Variants in MAPKAPK2 observed in about 807,000 individuals in gnomAD.
MAPKAPK2 encodes the protein MAPK activated protein kinase 2.
Under a neutral mutation model 48.8 loss-of-function variants are expected in MAPKAPK2, and 9 were observed. The ratio of observed to expected loss-of-function variants is 0.18; its 90% confidence interval spans 0.11 to 0.32. MAPKAPK2 has a LOEUF of 0.32. MAPKAPK2 is among the 10% of genes least tolerant of loss of function. The pLI is 1.00. For synonymous variants in MAPKAPK2, 202 were observed against 190.6 expected (o/e 1.06, Z -0.49); for missense variants, 331 against 498.3 (o/e 0.66, Z 3.20).
intron 1 of MAPKAPK2, among the ~76,000 whole-genome samples, chr1:206,713,328 AG>A (rs1341384053): frequency 6.6e-6 from 1 of 152,174 alleles, no homozygotes; most frequent in Non-Finnish European, 1.5e-5. Flanking sequence ...AGTCATGACA[AG>A]GCCTGGCTTG....
In MAPKAPK2 at chr1:206,691,502, T is replaced by TATATATATATATATATATATATAC. The variant is rs1553426248; in HGVS notation, c.279+5997_279+5998insTATATATATATATATATATACATA. Among the ~76,000 whole-genome samples the TATATATATATATATATATATATAC allele has an allele frequency of 2.5e-3, 325 of 132,628 alleles. 4 individuals carry two copies. The highest frequency in any genetic ancestry group is 6.9e-3 in the African/African-American group (237 of 34,320). The allele number at this position is 132,628 out of a possible 152,430, so 87.0% of individuals were successfully genotyped here. A position where few individuals can be genotyped will look rare whatever the true frequency, so the allele number is the denominator to read the frequency against. On this transcript the variant is annotated intron_variant, in intron 1 of 9. Coordinates refer to ENST00000367103, the MANE Select transcript of MAPKAPK2 (RefSeq NM_032960.4). ...TTTAAGATATATATATATATATATA[T>TATATATATATATATATATATATAC]ATACACACATACACAGATATAGATA...
intron 1 of MAPKAPK2, among the ~76,000 whole-genome samples, chr1:206,718,609 T>C (rs1197041219): frequency 1.3e-5 from 2 of 152,102 alleles, no homozygotes; most frequent in African/African-American, 4.8e-5. Context: ...TTATCTGCTT[T>C]CCCATTTAAT....
At chr1:206,721,873 G>A (rs1266658409) in intron 1 of MAPKAPK2, among the ~76,000 whole-genome samples, 1 of 152,074 alleles carries the variant, frequency 6.6e-6, no homozygotes, top group Non-Finnish European at 1.5e-5. Context: ...TGAGACCAGC[G>A]TGACCAACAT....
In MAPKAPK2 at chr1:206,732,337, T is replaced by TG; in HGVS notation, c.1060-232dup. The TG allele has an allele frequency of 6.9e-7, 1 of 1,443,508 alleles. No individual in the cohort carries two copies. The highest frequency in any genetic ancestry group is 9.1e-7 in the Non-Finnish European group (1 of 1,102,336). The allele number at this position is 1,443,508 out of a possible 1,614,324, so 89.4% of individuals were successfully genotyped here. A position where few individuals can be genotyped will look rare whatever the true frequency, so the allele number is the denominator to read the frequency against. On this transcript the variant is annotated intron_variant, in intron 9 of 9. Transcript: ENST00000367103. The surrounding 1 kb of genome is among the most constrained non-coding windows in gnomAD (Gnocchi z 4.4). ...TCTTCCTCCTATCCTGCGGGATCAC[T>TG]GGGGGGCTCTCAGGGAACAGCAGCA...
At chr1:206,728,599 A>T in intron 1 of MAPKAPK2, 111 bp from the exon 2 acceptor site, 1 of 1,176,068 alleles carries the variant, frequency 8.5e-7, no homozygotes, top group Non-Finnish European at 1.2e-6. Context: ...GGGGGCCAGC[A>T]GGAGTGGGGG....
At position 206,732,064 on chromosome 1, in the gene MAPKAPK2, C is replaced by T. The variant is rs782749126; in HGVS notation, c.1059+145C>T. 1 of 1,614,174 alleles carries T rather than the reference C, an allele frequency of 6.2e-7. No homozygotes were observed. The highest frequency in any genetic ancestry group is 8.5e-7 in the Non-Finnish European group (1 of 1,180,016). Reference sequence around the variant, plus strand: ...GGTGTCTTCATGACAAGAACAGCGACCAGGCCACTTGGCTGACCAGGTTGT... The same window carrying T: ...GGTGTCTTCATGACAAGAACAGCGATCAGGCCACTTGGCTGACCAGGTTGT... On this transcript the variant is annotated intron_variant, in intron 9 of 9. Transcript: ENST00000367103. The surrounding 1 kb of genome is among the most constrained non-coding windows in gnomAD (Gnocchi z 4.4).
intron 1 of MAPKAPK2, among the ~76,000 whole-genome samples, chr1:206,717,884 C>T (rs894782153): frequency 9.9e-5 from 15 of 151,830 alleles, no homozygotes; most frequent in East Asian, 3.9e-4. Flanking sequence ...AAAAAATACA[C>T]GCCTCTCTCT....
In MAPKAPK2 at chr1:206,732,090, G is replaced by A. The variant is rs371877999; in HGVS notation, c.1059+171G>A. Reference sequence around the variant, plus strand: ...CAGGCCACTTGGCTGACCAGGTTGTGAGCAGAGGATTCTGTGTTCCTGTCC... The same window carrying A: ...CAGGCCACTTGGCTGACCAGGTTGTAAGCAGAGGATTCTGTGTTCCTGTCC... On this transcript the variant is annotated intron_variant, in intron 9 of 9. Transcript: ENST00000367103. This position sits in a 1 kb window ranked among gnomAD's most constrained non-coding sequence, Gnocchi z 4.4. 10 of 1,614,190 alleles carry A rather than the reference G, an allele frequency of 6.2e-6. No individual in the cohort carries two copies. The highest frequency in any genetic ancestry group is 8.5e-6 in the Non-Finnish European group (10 of 1,180,032).
intron 1 of MAPKAPK2, among the ~76,000 whole-genome samples, chr1:206,685,877 C>T (rs1553425531): frequency 1.3e-5 from 2 of 152,190 alleles, no homozygotes; most frequent in Non-Finnish European, 2.9e-5. Context: ...TCCCCGTCCT[C>T]TCCTCCCTCC....
chr1:206,723,677 TTCCACGTGGC>T (rs2102408920), intron 1 of MAPKAPK2, among the ~76,000 whole-genome samples: 1 of 152,332 alleles, frequency 6.6e-6, no homozygotes, highest in Non-Finnish European at 1.5e-5. Context: ...TCCTGAGTCT[TTCCACGTGGC>T]TCCACAATGG....
At chr1:206,696,305 C>G in intron 1 of MAPKAPK2, 1 of 878,262 alleles carries the variant, frequency 1.1e-6, no homozygotes, top group Non-Finnish European at 2.0e-6. Flanking sequence ...CACAGGAACG[C>G]AAGGCACCTC....
At chr1:206,708,553 C>T (rs542181741) in intron 1 of MAPKAPK2, among the ~76,000 whole-genome samples, 2 of 152,226 alleles carry the variant, frequency 1.3e-5, no homozygotes, top group South Asian at 4.1e-4. Flanking sequence ...GTACTTTACC[C>T]CTAAACATCT....
chr1:206,690,601 G>A (rs1228148805), intron 1 of MAPKAPK2, among the ~76,000 whole-genome samples: 1 of 152,216 alleles, frequency 6.6e-6, no homozygotes, highest in Non-Finnish European at 1.5e-5. Context: ...TATGAAGCAG[G>A]TACAGGGGAT....
In MAPKAPK2 at chr1:206,732,519, C is replaced by G; in HGVS notation, c.1060-56C>G. The stretch of plus-strand genomic sequence containing the variant: ...CTCTCACGTCTCTCTTCTGCTGTCT[C>G]TCCTACCTGTCTTCTGGCTCTCTCT... On this transcript the variant is annotated intron_variant, in intron 9 of 9. Coordinates refer to ENST00000367103, the MANE Select transcript of MAPKAPK2 (RefSeq NM_032960.4). This position sits in a 1 kb window ranked among gnomAD's most constrained non-coding sequence, Gnocchi z 4.4. 1 of 1,601,626 alleles carries G rather than the reference C, an allele frequency of 6.2e-7. No individual in the cohort carries two copies. Among genetic ancestry groups the G allele is most frequent in the Non-Finnish European group, 8.5e-7 (1 of 1,172,314 alleles).
At chr1:206,694,892 G>T (rs1378833270) in intron 1 of MAPKAPK2, among the ~76,000 whole-genome samples, 1 of 152,240 alleles carries the variant, frequency 6.6e-6, no homozygotes, top group South Asian at 2.1e-4. Flanking sequence ...GGGAGAAAAT[G>T]AGCATATGTA....
chr1:206,705,083 A>G (rs1672911446), intron 1 of MAPKAPK2, among the ~76,000 whole-genome samples: 1 of 152,182 alleles, frequency 6.6e-6, no homozygotes. Flanking sequence ...TTAACATCCT[A>G]CGGAATACTA....
chr1:206,719,953 G>A (rs1326953169), intron 1 of MAPKAPK2, among the ~76,000 whole-genome samples: 1 of 152,168 alleles, frequency 6.6e-6, no homozygotes, highest in African/African-American at 2.4e-5. Context: ...TGGCGGTCAC[G>A]GGGCTTATTT....
At position 206,729,403 on chromosome 1, in the gene MAPKAPK2, C is replaced by A. The variant is rs555921913; in HGVS notation, c.492C>A (p.Ser164=). The A allele has an allele frequency of 1.4e-5, 22 of 1,613,484 alleles. No individual in the cohort carries two copies. Among genetic ancestry groups the A allele is most frequent in the Non-Finnish European group, 8.5e-7 (1 of 1,179,558 alleles). Residue 164 remains serine (S), a synonymous_variant, in exon 4 of 10, where the codon TCC becomes TCA. Transcript: ENST00000367103. ...CTTCCCTCCCCTCTACAGAAGCATC[C>A]GAAATCATGAAGAGCATCGGTGAGG... The part of the protein sequence containing the change: ...GDQAFTEREA[S]EIMKSIGEAI...
At position 206,731,172 on chromosome 1, in the gene MAPKAPK2, G is replaced by T; in HGVS notation, c.802G>T (p.Gly268Cys). ...GTATCCCCCCTTCTACTCCAACCACGGCCTTGCCATCTCTCCGGGCATGAA... is the reference window on the plus strand; with the variant it reads ...GTATCCCCCCTTCTACTCCAACCACTGCCTTGCCATCTCTCCGGGCATGAA... The part of the protein sequence containing the change: ...CGYPPFYSNH[G>C]LAISPGMKTR... The change falls in exon 7 of 10, where the codon GGC becomes TGC. Residue 268 changes from glycine to cysteine, a missense_variant. Gly to Cys is a radical substitution (Grantham distance 159). Transcript: ENST00000367103. The surrounding 1 kb of genome is among the most constrained non-coding windows in gnomAD (Gnocchi z 5.9). The T allele has an allele frequency of 6.2e-7, 1 of 1,614,116 alleles. No individual in the cohort carries two copies. Among genetic ancestry groups the T allele is most frequent in the South Asian group, 1.1e-5 (1 of 91,076 alleles).
Sources: allele counts gnomAD v4.1 joint callset (sites outside exome capture counted in the v4.1 genomes callset), GRCh38; gene constraint gnomAD v4.1.1; non-coding constraint Gnocchi (gnomAD v3.1); transcripts MANE v1.5; gene names NCBI Gene and HGNC (gene_info 2026-07-23, HGNC 2026-07-21).